Variants in MYO5B observed in about 807,000 individuals in gnomAD.
The protein encoded by MYO5B is myosin VB, also known as unconventional myosin-Vb.
A neutral mutation model predicts 229.3 loss-of-function variants in MYO5B; 143 were observed. The observed-to-expected ratio is 0.62, with a 90% CI of 0.54 to 0.72. The LOEUF (loss-of-function observed/expected upper bound fraction) is 0.72. MYO5B is among the 30% of genes least tolerant of loss of function. The pLI is 0.00. For missense variants in MYO5B, 2,321 were observed against 2,331.0 expected, an observed-to-expected ratio of 1.00 and a Z score of 0.09; for synonymous variants, 918 against 885.2, an observed-to-expected ratio of 1.04 and a Z score of -0.66.
chr18:49,939,895 A>G (rs563331205), intron 14 of MYO5B, among the ~76,000 whole-genome samples: 35 of 152,372 alleles, frequency 2.3e-4, no homozygotes, highest in African/African-American at 7.5e-4. Context: ...TCTAGCTGAC[A>G]TCATCTCCTG....
chr18:49,923,776 T>C (rs1341940515), intron 17 of MYO5B, among the ~76,000 whole-genome samples: 1 of 152,204 alleles, frequency 6.6e-6, no homozygotes, highest in Non-Finnish European at 1.5e-5. Context: ...TGTTAAAAAG[T>C]TCTTTGTGAA....
chr18:49,893,159 C>T (rs1043202554), intron 22 of MYO5B, among the ~76,000 whole-genome samples: 5 of 152,246 alleles, frequency 3.3e-5, no homozygotes, highest in African/African-American at 1.2e-4. Context: ...GAAGCAGGGA[C>T]GCGGGGCTGG....
chr18:49,893,056 G>A (rs1306927364), intron 22 of MYO5B, among the ~76,000 whole-genome samples: 1 of 152,152 alleles, frequency 6.6e-6, no homozygotes, highest in East Asian at 1.9e-4. Context: ...CTCCTCCAAT[G>A]AAGATTTTCA....
At chr18:49,971,304 A>G (rs1568053276) in intron 10 of MYO5B, among the ~76,000 whole-genome samples, 1 of 152,178 alleles carries the variant, frequency 6.6e-6, no homozygotes, top group African/African-American at 2.4e-5. Flanking sequence ...CAGGTAACCA[A>G]GAAATGACCA....
At chr18:50,170,895 G>A (rs1407455689) in intron 1 of MYO5B, among the ~76,000 whole-genome samples, 2 of 127,952 alleles carry the variant, frequency 1.6e-5, no homozygotes, top group Non-Finnish European at 1.7e-5. Context: ...AAGAAAGAAC[G>A]TACAGGAAAT....
intron 5 of MYO5B, among the ~76,000 whole-genome samples, chr18:49,997,852 T>C (rs1411192353): frequency 6.6e-6 from 1 of 152,232 alleles, no homozygotes; most frequent in East Asian, 1.9e-4. Context: ...GCAGACGCAA[T>C]GAGACAACGC....
At chr18:50,123,268 A>G (rs2032100831) in intron 1 of MYO5B, among the ~76,000 whole-genome samples, 1 of 152,238 alleles carries the variant, frequency 6.6e-6, no homozygotes, top group Admixed American at 6.5e-5. Context: ...ATTAGTGGCT[A>G]CCAGGGGCCA....
chr18:50,030,870 C>A (rs369063129), intron 4 of MYO5B, among the ~76,000 whole-genome samples: 1 of 92,028 alleles, frequency 1.1e-5, no homozygotes, highest in Non-Finnish European at 2.1e-5. Context: ...TCCCCACTCC[C>A]TTTCAGAAAA....
At chr18:49,996,157 T>A (rs147433700) in intron 5 of MYO5B, among the ~76,000 whole-genome samples, 35 of 152,358 alleles carry the variant, frequency 2.3e-4, no homozygotes, top group African/African-American at 7.5e-4. Context: ...TTGCCCAAGG[T>A]CTAAAGATCA....
chr18:50,175,078 C>A (rs2032976621), intron 1 of MYO5B, among the ~76,000 whole-genome samples: 1 of 152,202 alleles, frequency 6.6e-6, no homozygotes, highest in Admixed American at 6.5e-5. Flanking sequence ...TAAAGAAAGG[C>A]AAAACAGGTC....
At chr18:50,028,701 G>T (rs776149785) in intron 4 of MYO5B, among the ~76,000 whole-genome samples, 1 of 152,200 alleles carries the variant, frequency 6.6e-6, no homozygotes, top group Non-Finnish European at 1.5e-5. Context: ...CCTATACTGG[G>T]AATGGTAGGG....
chr18:49,993,334 T>C (rs1336915248), intron 5 of MYO5B, among the ~76,000 whole-genome samples: 1 of 151,584 alleles, frequency 6.6e-6, no homozygotes, highest in Admixed American at 6.6e-5. Flanking sequence ...CCCAGCCCAA[T>C]ACAAGCAGAA....
chr18:50,063,335 A>T (rs1342892922), intron 1 of MYO5B, among the ~76,000 whole-genome samples: 4 of 152,232 alleles, frequency 2.6e-5, no homozygotes, highest in Non-Finnish European at 5.9e-5. Context: ...ATTTAGAGCC[A>T]CAAGGAATTA....
At chr18:49,887,066 C>A (rs2969931) in intron 22 of MYO5B, among the ~76,000 whole-genome samples, 87,632 of 151,910 alleles carry the variant, frequency 0.58, 25,483 homozygotes, top group Middle Eastern at 0.67. Flanking sequence ...GCTGTAGCAC[C>A]ATCCCCTTGG....
intron 1 of MYO5B, among the ~76,000 whole-genome samples, chr18:50,156,036 G>C (rs1368302868): frequency 6.6e-6 from 1 of 152,054 alleles, no homozygotes; most frequent in African/African-American, 2.4e-5. Context: ...ACTTTTTCTG[G>C]GACCACACCC....
At chr18:49,937,507 C>A in intron 14 of MYO5B, 110 bp from the exon 15 acceptor site, 1 of 1,280,868 alleles carries the variant, frequency 7.8e-7, no homozygotes, top group Non-Finnish European at 1.1e-6. Context: ...CACACATCCA[C>A]GCCAAAACCC....
chr18:49,889,257 T>C (rs1354257344), intron 22 of MYO5B, among the ~76,000 whole-genome samples: 1 of 152,238 alleles, frequency 6.6e-6, no homozygotes, highest in African/African-American at 2.4e-5. Context: ...TTCAAATGCA[T>C]CTAATTTGCT....
At chr18:50,113,166 C>CA (rs1212592354) in intron 1 of MYO5B, among the ~76,000 whole-genome samples, 9 of 152,040 alleles carry the variant, frequency 5.9e-5, no homozygotes, top group Non-Finnish European at 1.3e-4. Context: ...CATCCATTCT[C>CA]AAAAAATATT....
chr18:49,975,142 C>G (rs1404995317), intron 9 of MYO5B, among the ~76,000 whole-genome samples: 1 of 152,252 alleles, frequency 6.6e-6, no homozygotes, highest in African/African-American at 2.4e-5. Context: ...TTCTCTTCCT[C>G]TCTCTTAGAA....
Sources: allele counts gnomAD v4.1 joint callset (sites outside exome capture counted in the v4.1 genomes callset), GRCh38; gene constraint gnomAD v4.1.1; transcripts MANE v1.5; gene names NCBI Gene and HGNC (gene_info 2026-07-23, HGNC 2026-07-21).